Variants in NECTIN3 observed in about 807,000 individuals in gnomAD.
NECTIN3 encodes the protein nectin cell adhesion molecule 3, also known as nectin-3.
NECTIN3 carries 8 observed loss-of-function variants against 49.4 expected under a neutral mutation model. The ratio of observed to expected loss-of-function variants is 0.16; its 90% CI spans 0.10 to 0.29. NECTIN3 has a LOEUF of 0.29. NECTIN3 is among the 10% of genes least tolerant of loss of function. NECTIN3 has a pLI of 1.00. For synonymous variants in NECTIN3, 277 were observed against 241.1 expected, an observed-to-expected ratio of 1.15 and a Z score of -1.38; for missense variants, 581 against 654.6, an observed-to-expected ratio of 0.89 and a Z score of 1.23.
chr3:111,134,243 A>G lies in NECTIN3; in HGVS notation c.*28A>G. On this transcript the variant is annotated 3_prime_UTR_variant, in exon 6 of 6. Coordinates refer to ENST00000485303, the MANE Select transcript of NECTIN3 (RefSeq NM_015480.3). ...ACCACTGAATGTGACTTAACTATGTACAATGTTCATTCACACTAGTTGATC... is the reference window on the plus strand; with the variant it reads ...ACCACTGAATGTGACTTAACTATGTGCAATGTTCATTCACACTAGTTGATC... 1.3e-6 allele frequency: 2 copies of G among 1,543,076 alleles called. No homozygotes were observed. Among genetic ancestry groups the G allele is most frequent in the Non-Finnish European group, 1.7e-6 (2 of 1,150,032 alleles).
chr3:111,123,959 T>G (rs187160118), intron 4 of NECTIN3, among the ~76,000 whole-genome samples: 1 of 152,300 alleles, frequency 6.6e-6, no homozygotes, highest in East Asian at 1.9e-4. Flanking sequence ...TGTTGAAACA[T>G]CTTGTCTGTT....
intron 1 of NECTIN3, among the ~76,000 whole-genome samples, chr3:111,099,305 A>T (rs1332137404): frequency 6.6e-6 from 1 of 152,210 alleles, no homozygotes; most frequent in Admixed American, 6.5e-5. Flanking sequence ...GGAGGCTCTC[A>T]TAAGGATAAT....
chr3:111,127,619 G>A (rs2034218973), intron 5 of NECTIN3, among the ~76,000 whole-genome samples: 1 of 151,788 alleles, frequency 6.6e-6, no homozygotes, highest in Admixed American at 6.6e-5. Flanking sequence ...TGGAGTGAGT[G>A]CAGTGGTGTG....
chr3:111,095,206 C>T (rs997579274), intron 1 of NECTIN3, among the ~76,000 whole-genome samples: 1 of 152,118 alleles, frequency 6.6e-6, no homozygotes, highest in African/African-American at 2.4e-5. Flanking sequence ...TATACACAGA[C>T]CACCTATATC....
chr3:111,143,550 A>G (rs1338266757), intron 5 of NECTIN3, among the ~76,000 whole-genome samples: 2 of 151,964 alleles, frequency 1.3e-5, no homozygotes, highest in Non-Finnish European at 2.9e-5. Flanking sequence ...ATACTTATAA[A>G]TATGTATTTA....
intron 1 of NECTIN3, among the ~76,000 whole-genome samples, chr3:111,093,903 G>T (rs965120804): frequency 1.3e-5 from 2 of 152,136 alleles, no homozygotes; most frequent in Non-Finnish European, 2.9e-5. Flanking sequence ...CTATTAGTCT[G>T]CTTTTAGTGT....
chr3:111,127,254 T>C (rs1297803600), intron 5 of NECTIN3, among the ~76,000 whole-genome samples: 1 of 152,168 alleles, frequency 6.6e-6, no homozygotes, highest in Non-Finnish European at 1.5e-5. Context: ...TGTGCTTGCT[T>C]AAGTGTTATA....
intron 7 of NECTIN3, among the ~76,000 whole-genome samples, chr3:111,169,371 C>T (rs1193122771): frequency 7.2e-6 from 1 of 139,430 alleles, no homozygotes; most frequent in Non-Finnish European, 1.5e-5. Flanking sequence ...ATTACAAACG[C>T]AAACTTTTTT....
At chr3:111,121,042 G>A (rs545247747) in intron 3 of NECTIN3, among the ~76,000 whole-genome samples, 29 of 130,092 alleles carry the variant, frequency 2.2e-4, no homozygotes, top group South Asian at 7.0e-4. Context: ...TCACTCTGTC[G>A]CCCAGGCTGG....
At chr3:111,110,143 A>G (rs2033391608) in intron 1 of NECTIN3, among the ~76,000 whole-genome samples, 1 of 151,956 alleles carries the variant, frequency 6.6e-6, no homozygotes, top group African/African-American at 2.4e-5. Flanking sequence ...TAGATTTTTC[A>G]AATAATAATT....
chr3:111,133,571 GA>G (rs994271121), intron 5 of NECTIN3, 63 bp from the exon 6 acceptor site: 25 of 1,533,622 alleles, frequency 1.6e-5, no homozygotes, highest in Non-Finnish European at 2.2e-5. Flanking sequence ...ACTTGCTGCT[GA>G]ATCAGCCTGC....
rs114476773 is a variant in NECTIN3, at chr3:111,164,129, A to G, written c.1221+16645A>G. Among the ~76,000 whole-genome samples, 325 of 152,292 alleles carry G rather than the reference A, an allele frequency of 2.1e-3. 1 individual carries two copies. The highest frequency in any genetic ancestry group is 4.8e-3 in the Admixed American group (74 of 15,276). ...TCAAATGTTTGTGAAATTTTTAACT[A>G]GAATTAAGATTTGAAAGTTAGCAAA... On this transcript the variant is annotated intron_variant, in intron 7 of 8. Coordinates refer to the NECTIN3 transcript ENST00000493615.
upstream of NECTIN3, among the ~76,000 whole-genome samples, chr3:111,191,286 A>T (rs1015525100): frequency 6.6e-6 from 1 of 152,202 alleles, no homozygotes; most frequent in Non-Finnish European, 1.5e-5. Context: ...TAAAATAAAG[A>T]TATTAGTTTT....
intron 7 of NECTIN3, chr3:111,147,627 C>A: frequency 1.4e-6 from 1 of 718,994 alleles, no homozygotes; most frequent in Non-Finnish European, 2.2e-6. Context: ...GTTGTTTAGT[C>A]ATTATGCATT....
intron 1 of NECTIN3, among the ~76,000 whole-genome samples, chr3:111,074,488 T>C (rs963229371): frequency 1.3e-5 from 2 of 152,154 alleles, no homozygotes; most frequent in African/African-American, 4.8e-5. Context: ...CTATTTTTGA[T>C]ATTTTGATAT....
chr3:111,129,086 C>T (rs2034282070), intron 5 of NECTIN3, among the ~76,000 whole-genome samples: 1 of 152,202 alleles, frequency 6.6e-6, no homozygotes, highest in South Asian at 2.1e-4. Flanking sequence ...TCAAACATAG[C>T]AGGCACATTC....
At chr3:111,185,106 C>T (rs753132048) in intron 7 of NECTIN3, among the ~76,000 whole-genome samples, 8 of 152,144 alleles carry the variant, frequency 5.3e-5, no homozygotes, top group Non-Finnish European at 1.0e-4. Flanking sequence ...AGTATGCTGC[C>T]CAGGGAACTC....
At chr3:111,112,489 C>A in intron 2 of NECTIN3, 118 bp downstream of exon 2, 1 of 691,540 alleles carries the variant, frequency 1.4e-6, no homozygotes, top group South Asian at 3.0e-5. Flanking sequence ...TAAAATAATT[C>A]AAATACGATT....
intron 7 of NECTIN3, among the ~76,000 whole-genome samples, chr3:111,181,904 G>C (rs2035633178): frequency 6.6e-6 from 1 of 151,324 alleles, no homozygotes; most frequent in Non-Finnish European, 1.5e-5. Flanking sequence ...ACTTCCTTTG[G>C]ATTTAATTTG....
Sources: gnomAD v4.1 joint callset for allele counts (sites outside exome capture counted in the v4.1 genomes callset) on GRCh38, gnomAD v4.1.1 for gene constraint, MANE v1.5 for transcripts, NCBI Gene and HGNC (gene_info 2026-07-23, HGNC 2026-07-21) for gene names.